MYH15: variants seen among roughly 807,000 people sequenced by gnomAD.
The protein encoded by MYH15 is myosin heavy chain 15.
Under a neutral mutation model 240.5 loss-of-function variants are expected in MYH15, and 227 were observed. That is an observed-to-expected ratio of 0.94 (90% CI 0.85 to 1.05). The LOEUF is 1.05. Among genes scored for constraint, MYH15 ranks in the 50% least tolerant of loss-of-function variants. The probability of loss-of-function intolerance (pLI) is 0.00; values close to 1 mark genes in which losing one functional copy is unlikely to be tolerated. For missense variants in MYH15, 2,217 were observed against 2,247.5 expected (o/e 0.99, Z 0.27); for synonymous variants, 785 against 796.7 (o/e 0.99, Z 0.25).
At chr3:108,387,946 T>C (rs768880695) in intron 38 of MYH15, among the ~76,000 whole-genome samples, 3 of 152,260 alleles carry the variant, frequency 2.0e-5, no homozygotes, top group Admixed American at 6.5e-5. Context: ...TTGACATCTT[T>C]AACAACTCAG....
intron 25 of MYH15, among the ~76,000 whole-genome samples, chr3:108,433,225 C>A (rs563419512): frequency 6.6e-6 from 1 of 152,294 alleles, no homozygotes; most frequent in East Asian, 1.9e-4. Flanking sequence ...TGCTGGATTT[C>A]AGACTTGGAT....
chr3:108,531,336 C>A (rs1036174310), upstream of MYH15, among the ~76,000 whole-genome samples: 1 of 152,158 alleles, frequency 6.6e-6, no homozygotes. Flanking sequence ...GCTTGAATGG[C>A]TTCATTCCAA....
chr3:108,539,810 C>T, the MYH15 span, among the ~76,000 whole-genome samples: 1 of 152,060 alleles, frequency 6.6e-6, no homozygotes, highest in African/African-American at 2.4e-5. Context: ...CCTGGCTGTA[C>T]CCTTTTCTAC....
intron 11 of MYH15, among the ~76,000 whole-genome samples, chr3:108,482,251 G>A (rs2083273160): frequency 6.6e-6 from 1 of 152,076 alleles, no homozygotes; most frequent in Non-Finnish European, 1.5e-5. Flanking sequence ...AGGCAGGGTG[G>A]GATGAAGAGT....
At chr3:108,436,227 A>C (rs1464482355) in intron 25 of MYH15, among the ~76,000 whole-genome samples, 1 of 152,240 alleles carries the variant, frequency 6.6e-6, no homozygotes, top group Non-Finnish European at 1.5e-5. Flanking sequence ...CCTGTGGCCT[A>C]CACGACATAC....
At chr3:108,465,888 T>C (rs1374565421) in intron 14 of MYH15, among the ~76,000 whole-genome samples, 4 of 152,046 alleles carry the variant, frequency 2.6e-5, no homozygotes, top group South Asian at 2.1e-4. Context: ...AATCACACCA[T>C]TGCACTCCAG....
At chr3:108,447,361 C>T (rs567391371) in intron 21 of MYH15, among the ~76,000 whole-genome samples, 1 of 152,208 alleles carries the variant, frequency 6.6e-6, no homozygotes, top group African/African-American at 2.4e-5. Context: ...CAACTAGATT[C>T]ATTAAGCCCA....
intron 20 of MYH15, 135 bp downstream of exon 20, chr3:108,455,601 G>T: frequency 1.9e-6 from 2 of 1,038,020 alleles, no homozygotes; most frequent in Non-Finnish European, 2.8e-6. Flanking sequence ...TTCACCTTCA[G>T]CTAAGATCTG....
intron 5 of MYH15, 93 bp from the exon 6 acceptor site, chr3:108,498,238 A>C: frequency 9.2e-7 from 1 of 1,081,924 alleles, no homozygotes; most frequent in Admixed American, 1.8e-5. Context: ...TATGGCAAGC[A>C]GGGAAGCTTT....
At chr3:108,437,223 C>T (rs1222420219) in intron 25 of MYH15, among the ~76,000 whole-genome samples, 17 of 145,850 alleles carry the variant, frequency 1.2e-4, no homozygotes, top group South Asian at 2.2e-4. Flanking sequence ...CCATTGGTCT[C>T]GTCATGAGTA....
Position 108,398,714 on chromosome 3 carries a change from G to A in MYH15, c.5056C>T (p.Gln1686Ter), listed in dbSNP as rs369988310. The A allele has an allele frequency of 3.0e-5, 48 of 1,614,046 alleles. No homozygotes were observed. The South Asian group carries it at 3.4e-4, about 11-fold the overall frequency. The change falls in exon 35 of 41, where the codon CAG (glutamine) becomes TAG (stop). Residue 1686 changes from glutamine (Q) to a stop codon, truncating the protein, a stop_gained. Coordinates refer to ENST00000693548, the MANE Select transcript of MYH15 (RefSeq NM_014981.3). LOFTEE classifies it high-confidence loss of function. Reference sequence around the variant, plus strand: ...GACAGCCTGCGGCCACGCTCTGTCTGCTCTTGCAGGGACCTTAGATCCTCT... The same window carrying A: ...GACAGCCTGCGGCCACGCTCTGTCTACTCTTGCAGGGACCTTAGATCCTCT... ...ELEDLRSLQEQTERGRRLSEE... is the reference protein window; with the variant it reads ...ELEDLRSLQE
chr3:108,510,861 T>G (rs2083517847), upstream of MYH15, among the ~76,000 whole-genome samples: 1 of 152,210 alleles, frequency 6.6e-6, no homozygotes, highest in Non-Finnish European at 1.5e-5. Context: ...TAATTTATTT[T>G]TAAATCAGAA....
chr3:108,402,103 G>A (rs1488487799), intron 33 of MYH15, among the ~76,000 whole-genome samples: 3 of 148,558 alleles, frequency 2.0e-5, no homozygotes, highest in South Asian at 2.1e-4. Context: ...GCTAATCTAT[G>A]TATGAGAAAT....
At chr3:108,485,329 G>T in intron 10 of MYH15, 100 bp from the exon 11 acceptor site, 1 of 1,312,728 alleles carries the variant, frequency 7.6e-7, no homozygotes, top group East Asian at 2.3e-5. Flanking sequence ...GGGCTGAGGG[G>T]AATGAGACAG....
intron 1 of MYH15, among the ~76,000 whole-genome samples, chr3:108,516,067 C>T (rs2083570286): frequency 6.6e-6 from 1 of 152,158 alleles, no homozygotes; most frequent in Non-Finnish European, 1.5e-5. Flanking sequence ...TTCACCTTGG[C>T]ATTTCAGTGC....
At chr3:108,387,088 G>A (rs2082389394) in intron 38 of MYH15, among the ~76,000 whole-genome samples, 2 of 152,210 alleles carry the variant, frequency 1.3e-5, no homozygotes, top group African/African-American at 4.8e-5. Flanking sequence ...GAACTGTCAT[G>A]GAGTGGGACC....
rs776370875 is a variant in MYH15 at position 108,398,861 on chromosome 3, C to A, written c.4930-21G>T. On this transcript the variant is annotated intron_variant, in intron 34 of 40. Coordinates refer to ENST00000693548, the MANE Select transcript of MYH15 (RefSeq NM_014981.3). ...AGGTCCTGGGAGAGAAAAGATGGGTCTGGAGTACAGATCCCTCTGAGTTCA... is the reference window on the plus strand; with the variant it reads ...AGGTCCTGGGAGAGAAAAGATGGGTATGGAGTACAGATCCCTCTGAGTTCA... 5.6e-6 allele frequency: 9 copies of A among 1,610,914 alleles called. No individual in the cohort carries two copies. In the South Asian group the frequency reaches 9.9e-5, roughly 18 times the overall value.
intron 25 of MYH15, among the ~76,000 whole-genome samples, chr3:108,434,852 G>A (rs2082818061): frequency 1.3e-5 from 2 of 152,166 alleles, no homozygotes; most frequent in African/African-American, 2.4e-5. Flanking sequence ...CATTAGCAGT[G>A]TGAGATCATT....
At chr3:108,537,585 A>C in the MYH15 span, among the ~76,000 whole-genome samples, 63,759 of 151,966 alleles carry the variant, frequency 0.42, 14,465 homozygotes, top group East Asian at 0.59. Context: ...ACACAGCAAC[A>C]AGGCAGCATC....
Sources: gnomAD v4.1 joint callset for allele counts (sites outside exome capture counted in the v4.1 genomes callset) on GRCh38, gnomAD v4.1.1 for gene constraint, MANE v1.5 for transcripts, NCBI Gene and HGNC (gene_info 2026-07-23, HGNC 2026-07-21) for gene names.